The following AFG2A variants were observed in gnomAD, a reference collection of about 807,000 sequenced individuals.
AFG2A encodes the protein ATPase family gene 2 protein homolog A.
chr4:123,123,890 T>G, the AFG2A span, among the ~76,000 whole-genome samples: 1 of 137,454 alleles, frequency 7.3e-6, no homozygotes, highest in African/African-American at 2.8e-5. Flanking sequence ...AGGCGGAGCT[T>G]GCAGTGAGTC....
the AFG2A span, among the ~76,000 whole-genome samples, chr4:123,238,489 A>G: frequency 6.6e-6 from 1 of 152,180 alleles, no homozygotes; most frequent in Non-Finnish European, 1.5e-5. Context: ...AGGAAGGATC[A>G]GGCAGTAATA....
At chr4:122,950,273 G>T in the AFG2A span, among the ~76,000 whole-genome samples, 2 of 152,098 alleles carry the variant, frequency 1.3e-5, no homozygotes, top group Non-Finnish European at 2.9e-5. Context: ...AATGCCAGTG[G>T]ATATCCAGGG....
At chr4:122,945,545 G>C in the AFG2A span, among the ~76,000 whole-genome samples, 2 of 152,214 alleles carry the variant, frequency 1.3e-5, no homozygotes, top group Non-Finnish European at 1.5e-5. Flanking sequence ...GGTGCTGTCT[G>C]TCACCCCTTT....
the AFG2A span, chr4:123,102,360 CCTTG>C: frequency 6.8e-6 from 1 of 147,404 alleles, no homozygotes; most frequent in African/African-American, 2.5e-5. Flanking sequence ...GTAATAAAAA[CCTTG>C]CTTGACAGTT....
chr4:123,048,073 G>T, the AFG2A span, among the ~76,000 whole-genome samples: 1 of 152,056 alleles, frequency 6.6e-6, no homozygotes, highest in Admixed American at 6.6e-5. Context: ...TCATCCTTCT[G>T]CATATGGATA....
chr4:123,103,547 T>A, the AFG2A span, among the ~76,000 whole-genome samples: 1 of 152,118 alleles, frequency 6.6e-6, no homozygotes, highest in African/African-American at 2.4e-5. Flanking sequence ...GCCAGTGTAG[T>A]AGCTTTATTC....
At chr4:123,281,413 A>T in the AFG2A span, among the ~76,000 whole-genome samples, 4 of 152,186 alleles carry the variant, frequency 2.6e-5, no homozygotes, top group East Asian at 7.7e-4. Flanking sequence ...TAAACCTGAG[A>T]TGAACATCCT....
At chr4:123,030,058 C>A in the AFG2A span, among the ~76,000 whole-genome samples, 2,926 of 152,224 alleles carry the variant, frequency 0.019, 69 homozygotes, top group East Asian at 0.14. Flanking sequence ...TGTTTACTGG[C>A]ATTTTCTAGT....
chr4:122,988,156 A>T, the AFG2A span, among the ~76,000 whole-genome samples: 1 of 151,524 alleles, frequency 6.6e-6, no homozygotes, highest in Non-Finnish European at 1.5e-5. Context: ...ATCTGGTCGT[A>T]GTCTGATGAT....
At chr4:123,224,960 A>G in the AFG2A span, among the ~76,000 whole-genome samples, 1 of 152,222 alleles carries the variant, frequency 6.6e-6, no homozygotes, top group Admixed American at 6.5e-5. Flanking sequence ...TCTGATGGCC[A>G]GTGATGATGA....
chr4:123,074,377 CT>C, the AFG2A span, among the ~76,000 whole-genome samples: 6 of 149,322 alleles, frequency 4.0e-5, no homozygotes, highest in Non-Finnish European at 7.4e-5. Context: ...GGACTCTATA[CT>C]TTTTTTTTAG....
the AFG2A span, among the ~76,000 whole-genome samples, chr4:123,009,754 G>A: frequency 6.6e-6 from 1 of 152,214 alleles, no homozygotes; most frequent in Non-Finnish European, 1.5e-5. Flanking sequence ...TGACGGTTTT[G>A]GGAGGAAAAC....
At chr4:123,310,399 C>A in the AFG2A span, among the ~76,000 whole-genome samples, 2 of 152,158 alleles carry the variant, frequency 1.3e-5, no homozygotes, top group African/African-American at 4.8e-5. Context: ...TCAATGTAAT[C>A]CGTGTTTTCT....
At chr4:123,311,558 C>A in the AFG2A span, among the ~76,000 whole-genome samples, 5 of 138,022 alleles carry the variant, frequency 3.6e-5, no homozygotes, top group African/African-American at 1.4e-4. Flanking sequence ...ACCCAGGAGG[C>A]GGAGGTTGCA....
At chr4:123,175,149 A>G in the AFG2A span, among the ~76,000 whole-genome samples, 1 of 150,710 alleles carries the variant, frequency 6.6e-6, no homozygotes, top group Non-Finnish European at 1.5e-5. Context: ...TCAGGGATAC[A>G]TTTTTTTTTG....
the AFG2A span, among the ~76,000 whole-genome samples, chr4:123,077,185 C>A: frequency 6.6e-6 from 1 of 151,598 alleles, no homozygotes; most frequent in African/African-American, 2.4e-5. Context: ...GTAGCTAGGG[C>A]TACAGGCGTA....
chr4:123,077,621 T>C, the AFG2A span, among the ~76,000 whole-genome samples: 1 of 152,196 alleles, frequency 6.6e-6, no homozygotes. Flanking sequence ...CATATGGATA[T>C]CTGCACATCT....
the AFG2A span, among the ~76,000 whole-genome samples, chr4:123,210,585 T>C: frequency 1.6e-4 from 25 of 152,342 alleles, no homozygotes; most frequent in African/African-American, 5.5e-4. Flanking sequence ...CGTTCATTTG[T>C]TGATGGACGC....
the AFG2A span, among the ~76,000 whole-genome samples, chr4:122,951,421 AC>A: frequency 7.4e-6 from 1 of 135,338 alleles, no homozygotes; most frequent in African/African-American, 2.7e-5. Context: ...ATCCTATCAG[AC>A]TTTTCCAAAG....
Sources: gnomAD v4.1 joint callset for allele counts (sites outside exome capture counted in the v4.1 genomes callset) on GRCh38, gnomAD v4.1.1 for gene constraint, MANE v1.5 for transcripts, NCBI Gene and HGNC (gene_info 2026-07-23, HGNC 2026-07-21) for gene names.